Variants in ZSWIM4 observed in about 807,000 individuals in gnomAD.
ZSWIM4 encodes zinc finger SWIM domain-containing protein 4.
A neutral mutation model predicts 102.5 loss-of-function variants in ZSWIM4; 62 were observed. The ratio of observed to expected loss-of-function variants is 0.60; its 90% CI spans 0.49 to 0.75. ZSWIM4 has a LOEUF of 0.75. Ranked by LOEUF, ZSWIM4 falls within the 30% of genes least tolerant of loss-of-function variation. The pLI, the probability that ZSWIM4 is intolerant of heterozygous loss-of-function variation, is 0.00. For synonymous variants in ZSWIM4, 652 were observed against 674.5 expected, an observed-to-expected ratio of 0.97 and a Z score of 0.52; for missense variants, 1,280 against 1,529.6, an observed-to-expected ratio of 0.84 and a Z score of 2.72.
intron 7 of ZSWIM4, among the ~76,000 whole-genome samples, chr19:13,815,549 C>A (rs1226036990): frequency 1.4e-5 from 2 of 139,528 alleles, no homozygotes; most frequent in Non-Finnish European, 3.0e-5. Flanking sequence ...CAGCTTACTG[C>A]AACCTCTGCC....
intron 2 of ZSWIM4, among the ~76,000 whole-genome samples, chr19:13,804,259 C>T (rs1160437764): frequency 2.6e-5 from 4 of 151,952 alleles, no homozygotes; most frequent in Non-Finnish European, 4.4e-5. Context: ...TCACCTGAGG[C>T]CAGGAGTTCA....
Position 13,795,581 on chromosome 19 carries a change from A to C in ZSWIM4, c.-68A>C, listed in dbSNP as rs1220098111. ...GGGCAGGGGGCGCGGGAGCCGGCGA[A>C]GCGGAGCGGGCATCGGACCGAGCCC... On this transcript the variant is annotated 5_prime_UTR_variant, in exon 1 of 14. Coordinates refer to ENST00000590508, the MANE Select transcript of ZSWIM4 (RefSeq NM_001367834.3). 3.2e-5 allele frequency: 8 copies of C among 250,038 alleles called. No homozygotes were observed. The highest frequency in any genetic ancestry group is 1.8e-4 in the African/African-American group (8 of 43,476). The allele number at this position is 250,038 out of a possible 1,614,324, so 15.5% of individuals were successfully genotyped here. A position where few individuals can be genotyped will look rare whatever the true frequency, so the allele number is the denominator to read the frequency against.
At position 13,809,064 on chromosome 19, in the gene ZSWIM4, G is replaced by T; in HGVS notation, c.862-6G>T. ...GCCCTTCCTCACCACCCTGTCCCCG[G>T]CACAGGTGCGGGAGATGCTGCGAAT... On this transcript the variant is annotated splice_polypyrimidine_tract_variant and splice_region_variant and intron_variant, in intron 4 of 13. Coordinates refer to ENST00000590508, the MANE Select transcript of ZSWIM4 (RefSeq NM_001367834.3). This position sits in a 1 kb window ranked among gnomAD's most constrained non-coding sequence, Gnocchi z 4.2. 1 of 1,611,510 alleles carries T rather than the reference G, an allele frequency of 6.2e-7. No homozygotes were observed. Among genetic ancestry groups the T allele is most frequent in the Non-Finnish European group, 8.5e-7 (1 of 1,178,232 alleles).
rs1009236049 is a variant in ZSWIM4, at chr19:13,817,196, C to T, written c.1532-20C>T. On this transcript the variant is annotated intron_variant, in intron 7 of 13. Coordinates refer to ENST00000590508, the MANE Select transcript of ZSWIM4 (RefSeq NM_001367834.3). Reference sequence around the variant, plus strand: ...CTTGGGCAGGTGTGTGGGCATTGAGCCCCCTCTTTCCACCTGCAGAGCTGC... The same window carrying T: ...CTTGGGCAGGTGTGTGGGCATTGAGTCCCCTCTTTCCACCTGCAGAGCTGC... The T allele has an allele frequency of 1.9e-6, 3 of 1,601,096 alleles. No individual in the cohort carries two copies. Among genetic ancestry groups the T allele is most frequent in the Non-Finnish European group, 2.6e-6 (3 of 1,170,982 alleles).
At chr19:13,815,532 G>A (rs528836447) in intron 7 of ZSWIM4, among the ~76,000 whole-genome samples, 8 of 137,422 alleles carry the variant, frequency 5.8e-5, no homozygotes, top group East Asian at 4.4e-4. Flanking sequence ...GTGCAGTGGC[G>A]CAATCTCAGC....
chr19:13,798,334 C>T (rs1340927244), intron 1 of ZSWIM4, among the ~76,000 whole-genome samples: 1 of 151,874 alleles, frequency 6.6e-6, no homozygotes, highest in East Asian at 1.9e-4. Context: ...TGTGTGTAGA[C>T]ATGGGGTCTC....
intron 6 of ZSWIM4, 89 bp from the exon 7 acceptor site, chr19:13,814,426 C>T: frequency 2.9e-6 from 2 of 700,278 alleles, no homozygotes; most frequent in Non-Finnish European, 3.8e-6. Context: ...GGCCTAAACC[C>T]CAGTTAGTAC....
At chr19:13,818,085 CT>C (rs1264243321) in intron 9 of ZSWIM4, 109 bp downstream of exon 9, 5 of 1,412,178 alleles carry the variant, frequency 3.5e-6, no homozygotes, top group Non-Finnish European at 4.6e-6. Context: ...AGCCCCGCCC[CT>C]AGCCCCGCCT....
chr19:13,809,860 C>T lies in ZSWIM4; in HGVS notation c.1012+640C>T, dbSNP rs1010003744. Among the ~76,000 whole-genome samples the T allele has an allele frequency of 1.3e-5, 2 of 152,096 alleles. No homozygotes were observed. The highest frequency in any genetic ancestry group is 4.1e-4 in the South Asian group (2 of 4,828). ...AGGCTGAAGTACAGTGGCACAGTCA[C>T]GGCTCACTGTAACTTCAAACTCTTG... On this transcript the variant is annotated intron_variant, in intron 5 of 13. Transcript: ENST00000590508. This position sits in a 1 kb window ranked among gnomAD's most constrained non-coding sequence, Gnocchi z 4.2.
At chr19:13,823,264 G>GA (rs1443126566) in intron 10 of ZSWIM4, 82 bp from the exon 11 acceptor site, 22 of 1,457,774 alleles carry the variant, frequency 1.5e-5, no homozygotes, top group Middle Eastern at 2.5e-4. Flanking sequence ...TGGGGAGGCT[G>GA]GGCCAGGAGG....
intron 12 of ZSWIM4, among the ~76,000 whole-genome samples, chr19:13,827,742 G>A (rs1018863588): frequency 2.0e-5 from 3 of 152,274 alleles, no homozygotes; most frequent in African/African-American, 7.2e-5. Flanking sequence ...GCTTTCAGAG[G>A]CTACTCAAGA....
chr19:13,824,548 A>C (rs938882339), intron 11 of ZSWIM4, among the ~76,000 whole-genome samples: 1 of 152,034 alleles, frequency 6.6e-6, no homozygotes, highest in Non-Finnish European at 1.5e-5. Flanking sequence ...CCTGGCCAAC[A>C]TGGTGAAACT....
At chr19:13,801,514 G>A (rs1053982244) in intron 2 of ZSWIM4, among the ~76,000 whole-genome samples, 31 of 152,112 alleles carry the variant, frequency 2.0e-4, no homozygotes, top group African/African-American at 7.2e-4. Context: ...TGGGGCCCAC[G>A]TGGGAGTTGG....
At chr19:13,801,140 C>T (rs1974760066) in intron 2 of ZSWIM4, among the ~76,000 whole-genome samples, 2 of 130,070 alleles carry the variant, frequency 1.5e-5, no homozygotes, top group East Asian at 4.2e-4. Context: ...GAGATGCTAT[C>T]TCAAAGAGAA....
In ZSWIM4 at chr19:13,808,993, C is replaced by T. The variant is rs752946911; in HGVS notation, c.861+9C>T. 1.4e-5 allele frequency: 23 copies of T among 1,609,654 alleles called. No homozygotes were observed. The East Asian group carries it at 4.7e-4, about 33-fold the overall frequency. Reference sequence around the variant, plus strand: ...GCTCCATGTTCAGCAAGGTGCCGTGCGGGCCGGCGGGGCGCGGGGTGCAGA... The same window carrying T: ...GCTCCATGTTCAGCAAGGTGCCGTGTGGGCCGGCGGGGCGCGGGGTGCAGA... On this transcript the variant is annotated intron_variant, in intron 4 of 13. Transcript: ENST00000590508.
At position 13,809,177 on chromosome 19, in the gene ZSWIM4, C is replaced by G. The variant is rs757894390; in HGVS notation, c.969C>G (p.Gly323=). 3 of 1,612,540 alleles carry G rather than the reference C, an allele frequency of 1.9e-6. No homozygotes were observed. The African/African-American group carries it at 4.0e-5, about 22-fold the overall frequency. ...DTRLALWRQQ[G]AGMTDKCRQL... ...GCCTGGCCCTGTGGCGGCAGCAGGG[C>G]GCGGGCATGACGGACAAGTGCCGGC... The change falls in exon 5 of 14, where the codon GGC becomes GGG. Residue 323 remains glycine, a synonymous_variant. Transcript: ENST00000590508. The surrounding 1 kb of genome is among the most constrained non-coding windows in gnomAD (Gnocchi z 4.2).
At position 13,814,525 on chromosome 19, in the gene ZSWIM4, A is replaced by G. The variant is rs1022745831; in HGVS notation, c.1191A>G (p.Glu397=). Residue 397 remains glutamate, a synonymous_variant, in exon 7 of 14, where the codon GAA becomes GAG. Transcript: ENST00000590508. ...GGTGCCTCTCTGCAGGCTCGGAGGA[A>G]GAGGAAGAGGTGGCAGCCACAAGTC... ...PTMAPAPGSE[E]EEEVAATSPR... is the part of the protein sequence containing the mutation. The G allele has an allele frequency of 8.6e-7, 1 of 1,159,238 alleles. No homozygotes were observed. Among genetic ancestry groups the G allele is most frequent in the South Asian group, 1.6e-5 (1 of 60,626 alleles). The allele number at this position is 1,159,238 out of a possible 1,614,324, so 71.8% of individuals were successfully genotyped here.
chr19:13,796,719 C>T (rs1365273835), intron 1 of ZSWIM4: 1 of 152,308 alleles, frequency 6.6e-6, no homozygotes, highest in Non-Finnish European at 1.5e-5. Flanking sequence ...GACAGGATGT[C>T]CCAGAGCTGG....
At position 13,813,136 on chromosome 19, in the gene ZSWIM4, C is replaced by A; in HGVS notation, c.1152C>A (p.Ser384Arg). ...GCAACTACTCCTTCGACGGCCCCAG[C>A]CTGCAGCCCACCATGGCCCCCGCCC... ...EEGNYSFDGP[S>R]LQPTMAPAPG... The change falls in exon 6 of 14, where the codon AGC becomes AGA. Residue 384 changes from serine (S) to arginine (R), a missense_variant. By Grantham distance (110) the Ser-to-Arg change is moderately radical. Transcript: ENST00000590508. 6.2e-7 allele frequency: 1 copy of A among 1,613,360 alleles called. No homozygotes were observed. Among genetic ancestry groups the A allele is most frequent in the East Asian group, 2.2e-5 (1 of 44,854 alleles).
Sources: allele counts gnomAD v4.1 joint callset (sites outside exome capture counted in the v4.1 genomes callset), GRCh38; gene constraint gnomAD v4.1.1; non-coding constraint Gnocchi (gnomAD v3.1); transcripts MANE v1.5; gene names NCBI Gene and HGNC (gene_info 2026-07-23, HGNC 2026-07-21).